TMEM87B: variants seen among roughly 807,000 people sequenced by gnomAD.
The protein encoded by TMEM87B is transmembrane protein 87B.
In TMEM87B, 83 loss-of-function variants were observed where a neutral mutation model predicts 80.3. The observed-to-expected ratio is 1.03, with a 90% CI of 0.87 to 1.24. The LOEUF is 1.24. TMEM87B is among the 50% of genes most tolerant of loss of function. The pLI is 0.00. For synonymous variants in TMEM87B, 219 were observed against 230.5 expected, an observed-to-expected ratio of 0.95 and a Z score of 0.45; for missense variants, 625 against 674.4, an observed-to-expected ratio of 0.93 and a Z score of 0.81.
chr2:112,062,729 A>G (rs575078058), intron 2 of TMEM87B, among the ~76,000 whole-genome samples: 1 of 152,242 alleles, frequency 6.6e-6, no homozygotes, highest in South Asian at 2.1e-4. Flanking sequence ...TTTCTTGTTA[A>G]GTTCTTTTAG....
rs528099239 is a variant in TMEM87B at position 112,117,426 on chromosome 2, C to T, written c.*1283C>T. 5 of 152,124 alleles carry T rather than the reference C, an allele frequency of 3.3e-5. No individual in the cohort carries two copies. The highest frequency in any genetic ancestry group is 7.2e-5 in the African/African-American group (3 of 41,484). The allele number at this position is 152,124 out of a possible 1,614,324, so 9.4% of individuals were successfully genotyped here. On this transcript the variant is annotated 3_prime_UTR_variant, in exon 19 of 19. Transcript: ENST00000283206. ...ACTCCAATTTTTTTCACTGTGAAGC[C>T]GCAAGCAATTTTTTTTCTTTTTCTT...
At chr2:112,063,450 C>G (rs1678317434) in intron 2 of TMEM87B, among the ~76,000 whole-genome samples, 1 of 152,236 alleles carries the variant, frequency 6.6e-6, no homozygotes, top group Non-Finnish European at 1.5e-5. Flanking sequence ...CCCCAGCACT[C>G]TTCTCCAGCT....
At position 112,112,878 on chromosome 2, in the gene TMEM87B, T is replaced by C. The variant is rs768803428; in HGVS notation, c.1578-21T>C. ...CCTTACTGTTAACAACATTATCACC[T>C]TTTTTTCCCTTTTATTTCAGAGCTC... is the stretch of plus-strand genomic sequence containing the variant. On this transcript the variant is annotated intron_variant, in intron 17 of 18. Coordinates refer to ENST00000283206, the MANE Select transcript of TMEM87B (RefSeq NM_032824.3). The C allele has an allele frequency of 1.1e-5, 18 of 1,598,222 alleles. No individual in the cohort carries two copies. In the South Asian group the frequency reaches 1.8e-4, roughly 16 times the overall value.
intron 15 of TMEM87B, among the ~76,000 whole-genome samples, chr2:112,101,507 C>T (rs758728239): frequency 1.3e-5 from 2 of 152,154 alleles, no homozygotes; most frequent in Non-Finnish European, 2.9e-5. Flanking sequence ...TAACTTTTGA[C>T]TCTCCCAGAA....
intron 4 of TMEM87B, among the ~76,000 whole-genome samples, chr2:112,071,498 G>T (rs1413099985): frequency 6.6e-6 from 1 of 151,896 alleles, no homozygotes; most frequent in African/African-American, 2.4e-5. Context: ...GTAGAGACGG[G>T]GTTTCACCAT....
intron 15 of TMEM87B, among the ~76,000 whole-genome samples, chr2:112,101,552 C>T (rs918994894): frequency 6.6e-6 from 1 of 152,098 alleles, no homozygotes; most frequent in African/African-American, 2.4e-5. Context: ...GACCAGAAGC[C>T]TTACTGTTAA....
At chr2:112,099,186 A>C (rs1253391171) in intron 14 of TMEM87B, among the ~76,000 whole-genome samples, 1 of 152,200 alleles carries the variant, frequency 6.6e-6, no homozygotes, top group Non-Finnish European at 1.5e-5. Context: ...TCCTTGCTTT[A>C]TCCCTTTGCC....
At chr2:112,095,253 T>G in intron 11 of TMEM87B, 1 of 970,674 alleles carries the variant, frequency 1.0e-6, no homozygotes, top group Non-Finnish European at 1.2e-6. Flanking sequence ...CTTGTTCTTC[T>G]GGCCAGCCTC....
intron 5 of TMEM87B, among the ~76,000 whole-genome samples, chr2:112,075,856 G>A (rs1042636301): frequency 6.6e-6 from 1 of 152,180 alleles, no homozygotes; most frequent in East Asian, 1.9e-4. Context: ...ATATGATGAG[G>A]AGTAGGAAAT....
rs748982752 is a variant in TMEM87B, at chr2:112,089,755, T to C, written c.1032+37T>C. 4 of 1,588,710 alleles carry C rather than the reference T, an allele frequency of 2.5e-6. No individual in the cohort carries two copies. The African/African-American group carries it at 5.4e-5, about 21-fold the overall frequency. On this transcript the variant is annotated intron_variant, in intron 10 of 18. Transcript: ENST00000283206. ...ATTATTCTACCACCCCTTTTTGTTA[T>C]TGCTGTGAAATGTGGTTTTACTTTG...
intron 7 of TMEM87B, 85 bp from the exon 8 acceptor site, chr2:112,081,250 G>T: frequency 6.9e-7 from 1 of 1,445,138 alleles, no homozygotes; most frequent in Non-Finnish European, 9.5e-7. Flanking sequence ...ACTGGAAAAT[G>T]AAGGGTTGGA....
intron 3 of TMEM87B, among the ~76,000 whole-genome samples, chr2:112,065,557 A>G (rs562251057): frequency 1.2e-3 from 180 of 150,012 alleles, no homozygotes; most frequent in Non-Finnish European, 2.3e-3. Context: ...AGGCCGGAGG[A>G]TCCCTTGAGC....
chr2:112,091,640 C>A, intron 10 of TMEM87B, 72 bp from the exon 11 acceptor site: 1 of 1,012,768 alleles, frequency 9.9e-7, no homozygotes. Context: ...TATTTTTCTT[C>A]ATCAAATGAT....
chr2:112,063,742 T>C (rs1678328945), intron 2 of TMEM87B, among the ~76,000 whole-genome samples: 1 of 152,210 alleles, frequency 6.6e-6, no homozygotes, highest in Admixed American at 6.5e-5. Flanking sequence ...GCCTGTTTAG[T>C]TGTTAAAACT....
chr2:112,098,707 CAT>C lies in TMEM87B; in HGVS notation c.1376+11_1376+12del, dbSNP rs1297228785. 5 of 1,612,234 alleles carry C rather than the reference CAT, an allele frequency of 3.1e-6. No homozygotes were observed. The highest frequency in any genetic ancestry group is 2.7e-5 in the African/African-American group (2 of 74,838). On this transcript the variant is annotated intron_variant, in intron 14 of 18. Coordinates refer to ENST00000283206, the MANE Select transcript of TMEM87B (RefSeq NM_032824.3). The stretch of plus-strand genomic sequence containing the variant: ...TCAGCAAACAATCAGAGGTACCTAA[CAT>C]AGGAAATTTCAAGTCGTCAAGGATT...
intron 2 of TMEM87B, among the ~76,000 whole-genome samples, chr2:112,063,553 A>T (rs542292050): frequency 6.6e-6 from 1 of 152,108 alleles, no homozygotes; most frequent in Non-Finnish European, 1.5e-5. Context: ...CACCCTGGGC[A>T]TTTACATGTT....
At chr2:112,059,279 T>C (rs976643766) in intron 1 of TMEM87B, among the ~76,000 whole-genome samples, 4 of 151,828 alleles carry the variant, frequency 2.6e-5, no homozygotes, top group African/African-American at 9.7e-5. Flanking sequence ...TGTGGAAAGG[T>C]TGTGAAGAAG....
chr2:112,079,329 G>A (rs1678917734), intron 6 of TMEM87B, among the ~76,000 whole-genome samples: 1 of 152,086 alleles, frequency 6.6e-6, no homozygotes, highest in Admixed American at 6.5e-5. Context: ...GAGTTCAATT[G>A]TTTTAGATTC....
intron 3 of TMEM87B, 148 bp downstream of exon 3, chr2:112,064,401 C>T (rs1474729428): frequency 1.6e-6 from 1 of 625,886 alleles, no homozygotes; most frequent in Non-Finnish European, 2.7e-6. Context: ...GGCAATAAAC[C>T]AAGTTACATG....
Sources: gnomAD v4.1 joint callset for allele counts (sites outside exome capture counted in the v4.1 genomes callset) on GRCh38, gnomAD v4.1.1 for gene constraint, MANE v1.5 for transcripts, NCBI Gene and HGNC (gene_info 2026-07-23, HGNC 2026-07-21) for gene names.